Variants in CALD1 observed in about 807,000 individuals in gnomAD.
CALD1 encodes the protein caldesmon 1.
Under a neutral mutation model 99.9 loss-of-function variants are expected in CALD1, and 33 were observed. That is an observed-to-expected ratio of 0.33 (90% CI 0.25 to 0.44). CALD1 has a LOEUF of 0.44. Among genes scored for constraint, CALD1 ranks in the 20% least tolerant of loss-of-function variants. CALD1 has a pLI of 1.00. For synonymous variants in CALD1, 310 were observed against 325.0 expected (o/e 0.95, Z 0.50); for missense variants, 861 against 962.1 (o/e 0.89, Z 1.39).
At chr7:134,809,581 T>C (rs2131909904) in intron 1 of CALD1, 1 of 152,392 alleles carries the variant, frequency 6.6e-6, no homozygotes, top group South Asian at 2.1e-4. Flanking sequence ...TCTGCTCATG[T>C]CTTTTCCAGG....
At chr7:134,730,192 GCTCCCTCCCTGC>G in the CALD1 span, among the ~76,000 whole-genome samples, 24 of 151,878 alleles carry the variant, frequency 1.6e-4, 1 homozygote, top group South Asian at 4.4e-3. Flanking sequence ...CTCCCTGCTT[GCTCCCTCCCTGC>G]CTCCCTCCCT....
At chr7:134,821,736 C>T in intron 1 of CALD1, among the ~76,000 whole-genome samples, 1 of 151,750 alleles carries the variant, frequency 6.6e-6, no homozygotes, top group Non-Finnish European at 1.5e-5. Context: ...GTGCGCACCA[C>T]CACACCTGGC....
chr7:134,848,509 C>T (rs1011723991), intron 2 of CALD1, among the ~76,000 whole-genome samples: 2 of 152,128 alleles, frequency 1.3e-5, no homozygotes, highest in Admixed American at 1.3e-4. Context: ...ATAATGAATC[C>T]TGTTCTTTAA....
Position 134,783,257 on chromosome 7 carries a change from C to G in CALD1, c.-130+3508C>G, listed in dbSNP as rs3778839. ...TGTCTTTAGTGCTCCCAGCTGTAACCGACCCTAGTTGCATCCCTAACTTCC... is the reference window on the plus strand; with the variant it reads ...TGTCTTTAGTGCTCCCAGCTGTAACGGACCCTAGTTGCATCCCTAACTTCC... On this transcript the variant is annotated intron_variant, in intron 1 of 14. Transcript: ENST00000361675. This position sits in a 1 kb window ranked among gnomAD's most constrained non-coding sequence, Gnocchi z 4.3. 0.79 allele frequency among the ~76,000 whole-genome samples: 120,556 copies of G among 152,090 alleles called. 48,381 individuals are homozygous for G. Among genetic ancestry groups the G allele is most frequent in the Non-Finnish European group, 0.85 (58,027 of 67,994 alleles).
the CALD1 span, among the ~76,000 whole-genome samples, chr7:134,729,600 C>CG: frequency 6.6e-6 from 1 of 152,206 alleles, no homozygotes; most frequent in African/African-American, 2.4e-5. Flanking sequence ...TGCAAGTCTC[C>CG]CCCTGGCCAA....
At chr7:134,875,010 T>C (rs993269562) in intron 3 of CALD1, among the ~76,000 whole-genome samples, 2 of 152,312 alleles carry the variant, frequency 1.3e-5, no homozygotes, top group African/African-American at 4.8e-5. Flanking sequence ...ATAAAATCTT[T>C]TAAAATGAAA....
chr7:134,727,556 A>G, the CALD1 span, among the ~76,000 whole-genome samples: 3 of 152,270 alleles, frequency 2.0e-5, no homozygotes, highest in African/African-American at 7.2e-5. Context: ...AGCAAAGTCC[A>G]TTTTTAAAAA....
chr7:134,913,768 A>G (rs1159524082), intron 3 of CALD1, among the ~76,000 whole-genome samples: 2 of 152,244 alleles, frequency 1.3e-5, no homozygotes, highest in Non-Finnish European at 2.9e-5. Flanking sequence ...CTGGCACTGA[A>G]GTGCAAAACA....
chr7:134,798,998 A>G (rs1477694497), intron 1 of CALD1, among the ~76,000 whole-genome samples: 1 of 152,172 alleles, frequency 6.6e-6, no homozygotes, highest in Non-Finnish European at 1.5e-5. Flanking sequence ...TTTCACTTTC[A>G]TTAACAAATT....
At chr7:134,825,494 T>C (rs908039567) in intron 1 of CALD1, among the ~76,000 whole-genome samples, 1 of 152,040 alleles carries the variant, frequency 6.6e-6, no homozygotes, top group Non-Finnish European at 1.5e-5. Flanking sequence ...GTGAGAAAAA[T>C]TAGCATTTTA....
At chr7:134,845,987 C>CCTT (rs910856216) in intron 2 of CALD1, among the ~76,000 whole-genome samples, 1 of 152,178 alleles carries the variant, frequency 6.6e-6, no homozygotes, top group African/African-American at 2.4e-5. Context: ...TTCCTGTGAG[C>CCTT]CTTCTCCTAC....
intron 3 of CALD1, among the ~76,000 whole-genome samples, chr7:134,884,833 C>T (rs1801778543): frequency 6.6e-6 from 1 of 152,134 alleles, no homozygotes. Context: ...CCCCTTCCAG[C>T]AAAAATGTTA....
At position 134,933,181 on chromosome 7, in the gene CALD1, C is replaced by A. The variant is rs775482764; in HGVS notation, c.412C>A (p.Gln138Lys). 4.3e-6 allele frequency: 7 copies of A among 1,611,592 alleles called. No homozygotes were observed. In the South Asian group the frequency reaches 7.7e-5, roughly 18 times the overall value. The change falls in exon 5 of 15, where the codon CAA (glutamine) becomes AAA (lysine). Residue 138 changes from glutamine (Q) to lysine (K), a missense_variant. By Grantham distance (53) the Gln-to-Lys change is moderately conservative. Coordinates refer to ENST00000361675, the MANE Select transcript of CALD1 (RefSeq NM_033138.4). ...ASLSLPSRRM[Q>K]NDTAENETTE... is the part of the protein sequence containing the mutation. ...TCTGTCGCTCCCAAGCAGAAGAATGCAAAATGACACAGCAGAAAATGAAAC... is the reference window on the plus strand; with the variant it reads ...TCTGTCGCTCCCAAGCAGAAGAATGAAAAATGACACAGCAGAAAATGAAAC...
At chr7:134,766,964 G>A (rs1347395036) in intron 1 of CALD1, among the ~76,000 whole-genome samples, 1 of 152,144 alleles carries the variant, frequency 6.6e-6, no homozygotes, top group Non-Finnish European at 1.5e-5. Flanking sequence ...AGAGGAAAGA[G>A]AAGACTGGAG....
chr7:134,925,897 A>C (rs1586325502), intron 3 of CALD1, among the ~76,000 whole-genome samples: 1 of 152,292 alleles, frequency 6.6e-6, no homozygotes, highest in East Asian at 1.9e-4. Flanking sequence ...TAGAAAAGCA[A>C]ATTGAGACTT....
chr7:134,711,690 GTGTGTGTGTGT>G, the CALD1 span, among the ~76,000 whole-genome samples: 7 of 80,222 alleles, frequency 8.7e-5, no homozygotes, highest in South Asian at 3.9e-3. Flanking sequence ...ATGTGTGTGT[GTGTGTGTGTGT>G]GTGTGTGTGT....
chr7:134,864,212 C>A (rs909537428), intron 2 of CALD1, among the ~76,000 whole-genome samples: 1 of 151,848 alleles, frequency 6.6e-6, no homozygotes, highest in Admixed American at 6.6e-5. Flanking sequence ...CCGGGTGTGG[C>A]GGTATACACC....
At chr7:134,784,243 C>A (rs1271842994) in intron 1 of CALD1, among the ~76,000 whole-genome samples, 3 of 152,206 alleles carry the variant, frequency 2.0e-5, no homozygotes, top group Non-Finnish European at 4.4e-5. Flanking sequence ...AGGGAATAAT[C>A]TCACTTGGAG....
At chr7:134,869,953 T>A (rs1225921332) in intron 3 of CALD1, among the ~76,000 whole-genome samples, 1 of 152,160 alleles carries the variant, frequency 6.6e-6, no homozygotes, top group African/African-American at 2.4e-5. Context: ...GTGGACATGG[T>A]GGACATGGAA....
Sources: gnomAD v4.1 joint callset for allele counts (sites outside exome capture counted in the v4.1 genomes callset) on GRCh38, gnomAD v4.1.1 for gene constraint, Gnocchi (gnomAD v3.1) non-coding constraint, MANE v1.5 for transcripts, NCBI Gene and HGNC (gene_info 2026-07-23, HGNC 2026-07-21) for gene names.